The following PLA2R1 variants were observed in gnomAD, a reference collection of about 807,000 sequenced individuals.
The protein encoded by PLA2R1 is phospholipase A2 receptor 1, also known as secretory phospholipase A2 receptor.
In PLA2R1, 158 loss-of-function variants were observed where a neutral mutation model predicts 195.9. That is an observed-to-expected ratio of 0.81 (90% CI 0.71 to 0.92). The LOEUF is 0.92. Ranked by LOEUF, PLA2R1 falls within the 40% of genes least tolerant of loss-of-function variation. PLA2R1 has a pLI of 0.00. For synonymous variants in PLA2R1, 586 were observed against 598.2 expected, an observed-to-expected ratio of 0.98 and a Z score of 0.30; for missense variants, 1,626 against 1,764.6, an observed-to-expected ratio of 0.92 and a Z score of 1.41.
At chr2:159,959,509 T>C (rs1285710362) in intron 20 of PLA2R1, among the ~76,000 whole-genome samples, 1 of 152,224 alleles carries the variant, frequency 6.6e-6, no homozygotes, top group Admixed American at 6.5e-5. Flanking sequence ...AATTGTTTAC[T>C]TACTAATTTG....
At chr2:159,998,390 A>T (rs1026015759) in intron 11 of PLA2R1, among the ~76,000 whole-genome samples, 1 of 152,182 alleles carries the variant, frequency 6.6e-6, no homozygotes, top group African/African-American at 2.4e-5. Flanking sequence ...TGAAGAGATT[A>T]AATAACTTCC....
intron 13 of PLA2R1, among the ~76,000 whole-genome samples, chr2:159,982,445 TGG>T (rs1223172910): frequency 6.6e-6 from 1 of 152,158 alleles, no homozygotes; most frequent in Non-Finnish European, 1.5e-5. Context: ...AGCAGTTCTG[TGG>T]GATGTCAATA....
rs555105211 is a variant in PLA2R1 at position 160,059,633 on chromosome 2, A to C, written c.109+2662T>G. 2.6e-5 allele frequency among the ~76,000 whole-genome samples: 4 copies of C among 152,306 alleles called. No homozygotes were observed. The South Asian group carries it at 6.2e-4, about 24-fold the overall frequency. On this transcript the variant is annotated intron_variant, in intron 1 of 29. Coordinates refer to ENST00000283243, the MANE Select transcript of PLA2R1 (RefSeq NM_007366.5). Reference sequence around the variant, plus strand: ...TAATACTGTATCTACTGACTTTTGAATACAGAATTGTATTACTCCATTTTC... The same window carrying C: ...TAATACTGTATCTACTGACTTTTGACTACAGAATTGTATTACTCCATTTTC...
At chr2:160,028,824 G>T in intron 5 of PLA2R1, 26 bp downstream of exon 5, 1 of 1,360,182 alleles carries the variant, frequency 7.4e-7, no homozygotes, top group Non-Finnish European at 1.1e-6. Context: ...GCCACGTGAC[G>T]AAGGCAAAGA....
At chr2:159,957,261 G>A (rs1226766974) in intron 20 of PLA2R1, among the ~76,000 whole-genome samples, 1 of 152,136 alleles carries the variant, frequency 6.6e-6, no homozygotes, top group Non-Finnish European at 1.5e-5. Flanking sequence ...AATGTTAGAG[G>A]GAACACAGAA....
At chr2:159,960,427 C>T (rs990498474) in intron 20 of PLA2R1, among the ~76,000 whole-genome samples, 23 of 152,022 alleles carry the variant, frequency 1.5e-4, no homozygotes, top group African/African-American at 5.3e-4. Flanking sequence ...TTCCCGACAT[C>T]GAGATAGTAA....
chr2:159,987,000 A>G (rs111998341), intron 12 of PLA2R1, among the ~76,000 whole-genome samples, 156 bp downstream of exon 12: 3 of 152,298 alleles, frequency 2.0e-5, no homozygotes, highest in African/African-American at 7.2e-5. Flanking sequence ...GATTGAAAGG[A>G]TAGAGACAGG....
intron 9 of PLA2R1, 145 bp downstream of exon 9, chr2:160,016,469 G>A (rs554708864): frequency 0.039 from 21,809 of 557,654 alleles, 514 homozygotes; most frequent in Non-Finnish European, 0.05. Context: ...GGAAAGGAAA[G>A]AAGGGGGGGG....
At chr2:160,042,839 G>A (rs1047295125) in intron 2 of PLA2R1, among the ~76,000 whole-genome samples, 4 of 66,014 alleles carry the variant, frequency 6.1e-5, no homozygotes, top group Non-Finnish European at 1.4e-4. Flanking sequence ...GTGTGTGTGT[G>A]TGTATGTGTG....
At chr2:160,055,302 A>G (rs1298783230) in intron 1 of PLA2R1, among the ~76,000 whole-genome samples, 3 of 152,216 alleles carry the variant, frequency 2.0e-5, no homozygotes, top group African/African-American at 7.2e-5. Flanking sequence ...AACGGAGTCA[A>G]GAAGGCTGGC....
At chr2:160,049,252 C>T (rs1177012895) in intron 1 of PLA2R1, among the ~76,000 whole-genome samples, 1 of 152,106 alleles carries the variant, frequency 6.6e-6, no homozygotes, top group Non-Finnish European at 1.5e-5. Context: ...CATTTCAGAT[C>T]CACTCTTTGG....
Position 159,977,441 on chromosome 2 carries a change from C to T in PLA2R1, c.2269-25G>A, listed in dbSNP as rs774963922. ...CCTGCAGCAGATGAAGTTCATTATT[C>T]CTTAATGATGATCCCCCCACAAAGT... On this transcript the variant is annotated intron_variant, in intron 14 of 29. Transcript: ENST00000283243. 1.9e-6 allele frequency: 3 copies of T among 1,605,850 alleles called. No individual in the cohort carries two copies. The Admixed American group carries it at 5.0e-5, about 27-fold the overall frequency.
chr2:160,029,792 T>G (rs1351302823), intron 4 of PLA2R1, among the ~76,000 whole-genome samples: 1 of 152,210 alleles, frequency 6.6e-6, no homozygotes, highest in African/African-American at 2.4e-5. Context: ...AAACCTAGTG[T>G]CAGAAACATA....
At chr2:160,045,974 G>C (rs1250896502) in intron 1 of PLA2R1, among the ~76,000 whole-genome samples, 1 of 152,218 alleles carries the variant, frequency 6.6e-6, no homozygotes, top group Non-Finnish European at 1.5e-5. Flanking sequence ...GAAGGGATTT[G>C]GGTGAGTTTC....
chr2:159,952,314 C>T (rs925079811), intron 23 of PLA2R1, among the ~76,000 whole-genome samples: 1 of 152,118 alleles, frequency 6.6e-6, no homozygotes, highest in Non-Finnish European at 1.5e-5. Flanking sequence ...TGTTTCCTCT[C>T]TAATATGTGC....
intron 11 of PLA2R1, among the ~76,000 whole-genome samples, chr2:159,994,040 TAAG>T (rs1234383331): frequency 6.6e-6 from 1 of 151,172 alleles, no homozygotes; most frequent in African/African-American, 2.4e-5. Context: ...TCAATGGATC[TAAG>T]AATTGACCAT....
intron 14 of PLA2R1, among the ~76,000 whole-genome samples, chr2:159,978,978 A>C (rs1314040334): frequency 1.3e-5 from 2 of 152,170 alleles, no homozygotes; most frequent in Non-Finnish European, 2.9e-5. Context: ...CAAGCCACTT[A>C]ATCATTCTAA....
At chr2:160,027,892 C>A (rs914747640) in intron 6 of PLA2R1, among the ~76,000 whole-genome samples, 1 of 152,010 alleles carries the variant, frequency 6.6e-6, no homozygotes, top group Admixed American at 6.6e-5. Flanking sequence ...TCTAGGGGAA[C>A]AATAAACTCA....
chr2:160,028,059 C>T (rs1220613423), intron 6 of PLA2R1, among the ~76,000 whole-genome samples, 159 bp downstream of exon 6: 1 of 152,112 alleles, frequency 6.6e-6, no homozygotes, highest in Non-Finnish European at 1.5e-5. Flanking sequence ...GTCCCTTTGA[C>T]ATAACAGATA....
Sources: gnomAD v4.1 joint callset for allele counts (sites outside exome capture counted in the v4.1 genomes callset) on GRCh38, gnomAD v4.1.1 for gene constraint, MANE v1.5 for transcripts, NCBI Gene and HGNC (gene_info 2026-07-23, HGNC 2026-07-21) for gene names.